The following TUT4 variants were observed in gnomAD, a reference collection of about 807,000 sequenced individuals.
TUT4 encodes the protein terminal uridylyl transferase 4.
A neutral mutation model predicts 192.2 loss-of-function variants in TUT4; 36 were observed. The ratio of observed to expected loss-of-function variants is 0.19; its 90% CI spans 0.14 to 0.25. TUT4 has a LOEUF of 0.25. Ranked by LOEUF, TUT4 falls within the 10% of genes least tolerant of loss-of-function variation. TUT4 has a pLI of 1.00. For synonymous variants in TUT4, 618 were observed against 666.0 expected (o/e 0.93, Z 1.11); for missense variants, 1,493 against 1,957.2 (o/e 0.76, Z 4.47).
chr1:52,523,327 C>T (rs1008910966), intron 2 of TUT4, among the ~76,000 whole-genome samples: 18 of 151,440 alleles, frequency 1.2e-4, no homozygotes, highest in Admixed American at 5.3e-4. Context: ...ATTTACTGGC[C>T]CGGTGTAGTG....
intron 9 of TUT4, among the ~76,000 whole-genome samples, chr1:52,485,472 C>T (rs1669552676): frequency 6.6e-6 from 1 of 152,108 alleles, no homozygotes; most frequent in Non-Finnish European, 1.5e-5. Flanking sequence ...ATTGCATTTC[C>T]TAAAATCCCA....
At chr1:52,441,248 AG>A (rs1400522464) in intron 24 of TUT4, among the ~76,000 whole-genome samples, 1 of 149,830 alleles carries the variant, frequency 6.7e-6, no homozygotes, top group Non-Finnish European at 1.5e-5. Context: ...AGAAGGGCAG[AG>A]GTAAAAGGTG....
intron 24 of TUT4, among the ~76,000 whole-genome samples, chr1:52,441,230 C>G (rs963219962): frequency 4.7e-5 from 7 of 150,192 alleles, no homozygotes; most frequent in Admixed American, 2.0e-4. Flanking sequence ...AAAGCATCCA[C>G]TGGAGTGAGA....
intron 19 of TUT4, among the ~76,000 whole-genome samples, chr1:52,459,461 C>T (rs189996578): frequency 2.0e-5 from 3 of 152,160 alleles, no homozygotes; most frequent in Admixed American, 6.5e-5. Flanking sequence ...TGGTGGCACA[C>T]GCCTGTAGTC....
intron 1 of TUT4, among the ~76,000 whole-genome samples, chr1:52,545,979 A>G (rs936152478): frequency 2.6e-5 from 4 of 151,016 alleles, no homozygotes; most frequent in African/African-American, 9.7e-5. Flanking sequence ...AAAAAAAAAA[A>G]AAAAAAAAAA....
At chr1:52,464,743 A>T (rs1160117432) in intron 16 of TUT4, among the ~76,000 whole-genome samples, 1 of 152,220 alleles carries the variant, frequency 6.6e-6, no homozygotes, top group Non-Finnish European at 1.5e-5. Flanking sequence ...ATCAATGTTC[A>T]CTACAAAACT....
intron 16 of TUT4, 65 bp from the exon 17 acceptor site, chr1:52,461,834 T>C: frequency 1.1e-6 from 1 of 943,302 alleles, no homozygotes; most frequent in Non-Finnish European, 1.6e-6. Flanking sequence ...TACTTTAATC[T>C]AAGCATTTAA....
intron 1 of TUT4, among the ~76,000 whole-genome samples, chr1:52,540,873 C>A (rs928903257): frequency 6.6e-6 from 1 of 152,164 alleles, no homozygotes; most frequent in Non-Finnish European, 1.5e-5. Flanking sequence ...TTGATACATG[C>A]ATCGTTAAGA....
intron 3 of TUT4, chr1:52,515,414 C>T (rs1300447649): frequency 4.2e-5 from 7 of 167,520 alleles, no homozygotes; most frequent in Admixed American, 5.9e-5. Flanking sequence ...TATAAAGGGG[C>T]GAATAAATAT....
chr1:52,456,030 G>A (rs1660833429), intron 20 of TUT4, among the ~76,000 whole-genome samples: 1 of 152,130 alleles, frequency 6.6e-6, no homozygotes, highest in African/African-American at 2.4e-5. Context: ...GCCAAAACTT[G>A]GAAGTAAAAC....
At chr1:52,485,869 G>T (rs1009109629) in intron 9 of TUT4, among the ~76,000 whole-genome samples, 29 of 151,896 alleles carry the variant, frequency 1.9e-4, no homozygotes, top group African/African-American at 7.0e-4. Context: ...TACTGGATTG[G>T]TTGGATTCAT....
At chr1:52,521,357 T>C (rs1368959998) in intron 2 of TUT4, among the ~76,000 whole-genome samples, 1 of 152,156 alleles carries the variant, frequency 6.6e-6, no homozygotes, top group Non-Finnish European at 1.5e-5. Flanking sequence ...CTATATAACC[T>C]ATCAAGTCCA....
chr1:52,429,557 A>AATAT (rs59994947), intron 28 of TUT4, among the ~76,000 whole-genome samples: 8 of 146,646 alleles, frequency 5.5e-5, no homozygotes, highest in Non-Finnish European at 1.2e-4. Context: ...ACTTTGTCTA[A>AATAT]ATATATATAT....
chr1:52,480,537 G>A (rs758718094), intron 11 of TUT4, among the ~76,000 whole-genome samples: 16 of 152,158 alleles, frequency 1.1e-4, no homozygotes, highest in Non-Finnish European at 1.5e-4. Flanking sequence ...AAGAAGTTTC[G>A]CTGCAAAAGG....
rs1016345095 is a variant in TUT4, at chr1:52,542,824, C to T, written c.-94+10107G>A. On this transcript the variant is annotated intron_variant, in intron 1 of 29. Transcript: ENST00000257177. ...TTGCCCAGGCTGGAGTGCAATGGCA[C>T]GATCTCGGCTCACCGCAACCTCCGC... Among the ~76,000 whole-genome samples, 6 of 151,830 alleles carry T rather than the reference C, an allele frequency of 4.0e-5. No homozygotes were observed. The South Asian group carries it at 8.3e-4, about 21-fold the overall frequency.
chr1:52,451,554 T>C (rs1042495520), intron 20 of TUT4, among the ~76,000 whole-genome samples: 2 of 151,762 alleles, frequency 1.3e-5, no homozygotes, highest in Admixed American at 1.3e-4. Flanking sequence ...AAAGACACAA[T>C]ATACCAGCCA....
chr1:52,467,250 A>T (rs187401377), intron 15 of TUT4, among the ~76,000 whole-genome samples: 2 of 152,356 alleles, frequency 1.3e-5, no homozygotes, highest in African/African-American at 4.8e-5. Context: ...GTAAAAGTAC[A>T]AATTCATTCT....
chr1:52,450,649 T>A (rs1179906173), intron 20 of TUT4, among the ~76,000 whole-genome samples: 1 of 152,176 alleles, frequency 6.6e-6, no homozygotes, highest in Non-Finnish European at 1.5e-5. Flanking sequence ...GTTCCTCATA[T>A]CAACACTGAA....
rs774785560 is a variant in TUT4, at chr1:52,497,105, T to C, written c.1078A>G (p.Ile360Val). 4 of 1,613,952 alleles carry C rather than the reference T, an allele frequency of 2.5e-6. No homozygotes were observed. The highest frequency in any genetic ancestry group is 2.2e-5 in the East Asian group (1 of 44,884). ...AHLAALSVAV[I>V]ELAKEHGITD... ...ATTCCATGTTCTTTTGCTAATTCAA[T>C]GACTGCAACACTTAAAGCAGCCAAG... The change falls in exon 5 of 30, where the codon ATT becomes GTT. Residue 360 changes from isoleucine (I) to valine (V), a missense_variant. This residue lies in a region of TUT4 where 437 missense variants were observed against 577.6 expected (regional missense o/e 0.76). Coordinates refer to ENST00000257177, the MANE Select transcript of TUT4 (RefSeq NM_001009881.3).
Sources: gnomAD v4.1 joint callset for allele counts (sites outside exome capture counted in the v4.1 genomes callset) on GRCh38, gnomAD v4.1.1 for gene constraint, gnomAD v4.1.1 regional missense constraint, MANE v1.5 for transcripts, NCBI Gene and HGNC (gene_info 2026-07-23, HGNC 2026-07-21) for gene names.